The following PIEZO2 variants were observed in gnomAD, a reference collection of about 807,000 sequenced individuals.
PIEZO2 encodes the protein piezo type mechanosensitive ion channel component 2, also known as piezo-type mechanosensitive ion channel component 2.
In PIEZO2, 172 loss-of-function variants were observed where a neutral mutation model predicts 337.3. That is an observed-to-expected ratio of 0.51 (90% confidence interval 0.45 to 0.58). PIEZO2 has a LOEUF of 0.58. Ranked by LOEUF, PIEZO2 falls within the 20% of genes least tolerant of loss-of-function variation. The pLI is 0.00. For synonymous variants in PIEZO2, 1,251 were observed against 1,228.5 expected (o/e 1.02, Z -0.38); for missense variants, 3,028 against 3,391.3 (o/e 0.89, Z 2.66).
In PIEZO2 at chr18:10,731,374, ACACCCACCACAGCCACCC is replaced by A; in HGVS notation, c.5029+15_5029+32del. 1 of 1,466,156 alleles carries A rather than the reference ACACCCACCACAGCCACCC, an allele frequency of 6.8e-7. No homozygotes were observed. The highest frequency in any genetic ancestry group is 9.2e-7 in the Non-Finnish European group (1 of 1,088,072). 90.8% of individuals were successfully genotyped at this position (1,466,156 alleles called of 1,614,324 possible). A position where few individuals can be genotyped will look rare whatever the true frequency, so the allele number is the denominator to read the frequency against. On this transcript the variant is annotated intron_variant, in intron 36 of 55. Coordinates refer to ENST00000674853, the MANE Select transcript of PIEZO2 (RefSeq NM_001378183.1). Reference sequence around the variant, plus strand: ...TGGGGAGCACAGCCTGAAACCTGCCACACCCACCACAGCCACCCCACCCACCACTCACCCTCCTTGGAT... The same window carrying A: ...TGGGGAGCACAGCCTGAAACCTGCCACACCCACCACTCACCCTCCTTGGAT...
chr18:10,873,751 C>T (rs1286047208), intron 4 of PIEZO2, among the ~76,000 whole-genome samples: 2 of 152,004 alleles, frequency 1.3e-5, no homozygotes, highest in African/African-American at 2.4e-5. Context: ...AATCTTCAAT[C>T]TAATCAGATT....
At chr18:10,735,599 G>A (rs1395459970) in intron 34 of PIEZO2, among the ~76,000 whole-genome samples, 1 of 152,048 alleles carries the variant, frequency 6.6e-6, no homozygotes, top group Non-Finnish European at 1.5e-5. Flanking sequence ...AAACTCTTTC[G>A]AATAAAAATA....
chr18:10,925,707 G>C (rs1414363792), intron 3 of PIEZO2, among the ~76,000 whole-genome samples: 1 of 152,104 alleles, frequency 6.6e-6, no homozygotes, highest in Non-Finnish European at 1.5e-5. Context: ...AGCTTCCCAA[G>C]GAGCTGGGAC....
Position 10,773,999 on chromosome 18 carries a change from G to T in PIEZO2, c.2567+7C>A. On this transcript the variant is annotated splice_region_variant and intron_variant, in intron 19 of 55. Coordinates refer to ENST00000674853, the MANE Select transcript of PIEZO2 (RefSeq NM_001378183.1). This position sits in a 1 kb window ranked among gnomAD's most constrained non-coding sequence, Gnocchi z 5.3. ...CAAGCATTTCATGGCTTCACAGGGGGACTTACTCATTTTGGTGGATTGGTA... is the reference window on the plus strand; with the variant it reads ...CAAGCATTTCATGGCTTCACAGGGGTACTTACTCATTTTGGTGGATTGGTA... 4 of 702,912 alleles carry T rather than the reference G, an allele frequency of 5.7e-6. No homozygotes were observed. In the East Asian group the frequency reaches 8.0e-5, roughly 14 times the overall value. 43.5% of individuals were successfully genotyped at this position (702,912 alleles called of 1,614,324 possible).
In PIEZO2 at chr18:10,773,735, C is replaced by T. The variant is rs1000225996; in HGVS notation, c.2568-106G>A. The T allele has an allele frequency of 2.7e-5, 29 of 1,069,604 alleles. No homozygotes were observed. Among genetic ancestry groups the T allele is most frequent in the Non-Finnish European group, 3.8e-5 (28 of 738,902 alleles). 66.3% of individuals were successfully genotyped at this position (1,069,604 alleles called of 1,614,324 possible). On this transcript the variant is annotated intron_variant, in intron 19 of 55. Transcript: ENST00000674853. This position sits in a 1 kb window ranked among gnomAD's most constrained non-coding sequence, Gnocchi z 5.3. ...AACACAAATGAAATCAGTGCATGTA[C>T]AAAGACCTCACAAGGTGGGGTGTTA...
At chr18:11,140,272 C>T (rs555978729) in intron 1 of PIEZO2, among the ~76,000 whole-genome samples, 1 of 152,324 alleles carries the variant, frequency 6.6e-6, no homozygotes, top group African/African-American at 2.4e-5. Flanking sequence ...ATCCCAATCT[C>T]CCTAAGCCTC....
intron 3 of PIEZO2, among the ~76,000 whole-genome samples, chr18:10,963,687 AC>A (rs2033883680): frequency 6.6e-6 from 1 of 152,236 alleles, no homozygotes; most frequent in Non-Finnish European, 1.5e-5. Context: ...GAATAATACT[AC>A]CGTAACAAAA....
chr18:10,759,971 A>G lies in PIEZO2; in HGVS notation c.3451-62T>C. 1 of 1,422,274 alleles carries G rather than the reference A, an allele frequency of 7.0e-7. No individual in the cohort carries two copies. Among genetic ancestry groups the G allele is most frequent in the Non-Finnish European group, 9.6e-7 (1 of 1,045,002 alleles). 88.1% of individuals were successfully genotyped at this position (1,422,274 alleles called of 1,614,324 possible). A position where few individuals can be genotyped will look rare whatever the true frequency, so the allele number is the denominator to read the frequency against. On this transcript the variant is annotated intron_variant, in intron 24 of 55. Transcript: ENST00000674853. The surrounding 1 kb of genome is among the most constrained non-coding windows in gnomAD (Gnocchi z 5.5). ...AGGCATATGGGAAAGGGGACTGGTGATAGGTGTCAGGTCTGTGTAGATGGC... is the reference window on the plus strand; with the variant it reads ...AGGCATATGGGAAAGGGGACTGGTGGTAGGTGTCAGGTCTGTGTAGATGGC...
chr18:10,698,869 A>G, intron 44 of PIEZO2, 56 bp downstream of exon 44: 1 of 1,527,008 alleles, frequency 6.5e-7, no homozygotes, highest in Non-Finnish European at 8.7e-7. Flanking sequence ...AGGCACCAGA[A>G]AAACAAGGCC....
chr18:11,032,742 T>C lies in PIEZO2; in HGVS notation c.160+33385A>G, dbSNP rs1157770364. ...GTGTGAATATGTGCACACATACAGA[T>C]GTAGAGTTTTCTAGACAAAGGACAT... On this transcript the variant is annotated intron_variant, in intron 2 of 55. Coordinates refer to ENST00000674853, the MANE Select transcript of PIEZO2 (RefSeq NM_001378183.1). The surrounding 1 kb of genome is among the most constrained non-coding windows in gnomAD (Gnocchi z 4.9). Among the ~76,000 whole-genome samples the C allele has an allele frequency of 6.6e-6, 1 of 152,210 alleles. No individual in the cohort carries two copies. The highest frequency in any genetic ancestry group is 6.5e-5 in the Admixed American group (1 of 15,282).
chr18:11,095,452 G>A (rs926115537), intron 1 of PIEZO2, among the ~76,000 whole-genome samples: 1 of 152,132 alleles, frequency 6.6e-6, no homozygotes, highest in Non-Finnish European at 1.5e-5. Flanking sequence ...GAAGCGAGTT[G>A]CCCCAAGTCA....
intron 7 of PIEZO2, among the ~76,000 whole-genome samples, chr18:10,851,555 T>C (rs554211909): frequency 3.3e-5 from 5 of 152,196 alleles, no homozygotes; most frequent in Non-Finnish European, 7.4e-5. Flanking sequence ...TTAGAACTGT[T>C]AATATCTTTA....
At chr18:10,675,060 G>C (rs933359720) in intron 54 of PIEZO2, 149 bp downstream of exon 54, 2 of 499,016 alleles carry the variant, frequency 4.0e-6, no homozygotes, top group African/African-American at 4.0e-5. Context: ...CTTTGGGCTA[G>C]TGAAGGCTGT....
In PIEZO2 at chr18:10,857,166, C is replaced by T. The variant is rs897800064; in HGVS notation, c.538G>A (p.Glu180Lys). The change falls in exon 6 of 56, where the codon GAG becomes AAG. Residue 180 changes from glutamate (E) to lysine (K), a missense_variant. Around this residue, in one of 5 missense-constraint regions of PIEZO2, gnomAD observed 542 missense variants for 605.6 expected, o/e 0.89. Transcript: ENST00000674853. ...ACACCATCTCCTCCATTGAAATCCT[C>T]TTCATAGATCAGTGCCTCTTCTGAA... ...IDSEEALIYE[E>K]DFNGGDGVEG... 1.3e-6 allele frequency: 2 copies of T among 1,537,796 alleles called. No homozygotes were observed. The highest frequency in any genetic ancestry group is 2.7e-5 in the African/African-American group (2 of 73,062).
At chr18:10,725,457 A>G in intron 36 of PIEZO2, 1 of 1,577,624 alleles carries the variant, frequency 6.3e-7, no homozygotes, top group South Asian at 1.1e-5. Context: ...GTGGCATGAA[A>G]TAGGTCAGGG....
At chr18:10,885,975 C>A (rs1050510730) in intron 4 of PIEZO2, among the ~76,000 whole-genome samples, 43 of 151,986 alleles carry the variant, frequency 2.8e-4, no homozygotes, top group African/African-American at 9.4e-4. Flanking sequence ...AACAAAATGT[C>A]AAGTGCAAAG....
In PIEZO2 at chr18:10,671,482, A is replaced by C. The variant is rs756147069; in HGVS notation, c.*45T>G. On this transcript the variant is annotated 3_prime_UTR_variant, in exon 56 of 56. Transcript: ENST00000674853. ...CTTATGAGAATATTGTGCTTTTAAAAAAAATTCAAATGTTAACATTATTTG... is the reference window on the plus strand; with the variant it reads ...CTTATGAGAATATTGTGCTTTTAAACAAAATTCAAATGTTAACATTATTTG... 6.4e-7 allele frequency: 1 copy of C among 1,565,082 alleles called. No individual in the cohort carries two copies. The highest frequency in any genetic ancestry group is 1.2e-5 in the South Asian group (1 of 83,688).
chr18:10,970,321 A>C (rs986025322), intron 3 of PIEZO2, among the ~76,000 whole-genome samples: 3 of 152,226 alleles, frequency 2.0e-5, no homozygotes, highest in Non-Finnish European at 2.9e-5. Flanking sequence ...GGAGGAGATG[A>C]GAACCATGGG....
rs1214267246 is a variant in PIEZO2 at position 10,902,061 on chromosome 18, T to A, written c.329+9125A>T. ...CAGGCCAGCTCCACCTCCTGTCAGATTAGCAGCAGCATCGGTTTCTCATAG... is the reference window on the plus strand; with the variant it reads ...CAGGCCAGCTCCACCTCCTGTCAGAATAGCAGCAGCATCGGTTTCTCATAG... On this transcript the variant is annotated intron_variant, in intron 4 of 55. Transcript: ENST00000674853. Among the ~76,000 whole-genome samples the A allele has an allele frequency of 3.9e-5, 6 of 152,280 alleles. No individual in the cohort carries two copies. In the East Asian group the frequency reaches 7.7e-4, roughly 20 times the overall value.
Sources: allele counts gnomAD v4.1 joint callset (sites outside exome capture counted in the v4.1 genomes callset), GRCh38; gene constraint gnomAD v4.1.1; regional missense constraint gnomAD v4.1.1; non-coding constraint Gnocchi (gnomAD v3.1); transcripts MANE v1.5; gene names NCBI Gene and HGNC (gene_info 2026-07-23, HGNC 2026-07-21).